The following CLSTN1 variants were observed in gnomAD, a reference collection of about 807,000 sequenced individuals.
The protein encoded by CLSTN1 is calsyntenin-1.
CLSTN1 carries 28 observed loss-of-function variants against 108.3 expected under a neutral mutation model. The ratio of observed to expected loss-of-function variants is 0.26; its 90% CI spans 0.19 to 0.35. The LOEUF is 0.35. Among genes scored for constraint, CLSTN1 ranks in the 10% least tolerant of loss-of-function variants. The pLI, the probability that CLSTN1 is intolerant of heterozygous loss-of-function variation, is 1.00. For missense variants in CLSTN1, 1,157 were observed against 1,302.6 expected (o/e 0.89, Z 1.72); for synonymous variants, 524 against 534.9 (o/e 0.98, Z 0.28).
At position 9,733,429 on chromosome 1, in the gene CLSTN1, C is replaced by A. The variant is rs199987563; in HGVS notation, c.2399G>T (p.Arg800Leu). 6 of 1,614,202 alleles carry A rather than the reference C, an allele frequency of 3.7e-6. No individual in the cohort carries two copies. The East Asian group carries it at 1.3e-4, about 36-fold the overall frequency. ...FKLICSELNG[R>L]YISNEFKVEV... ...CACCTTAAATTCGTTGCTGATGTAG[C>A]GGCCATTCAGCTCTGAGCAGATGAG... The change falls in exon 16 of 19, where the codon CGC (arginine) becomes CTC (leucine). Residue 800 changes from arginine (R) to leucine (L), a missense_variant. By Grantham distance (102) the Arg-to-Leu change is moderately radical. Coordinates refer to ENST00000377298, the MANE Select transcript of CLSTN1 (RefSeq NM_001009566.3).
chr1:9,754,854 T>C (rs909697989), intron 4 of CLSTN1, among the ~76,000 whole-genome samples: 1 of 152,052 alleles, frequency 6.6e-6, no homozygotes, highest in Non-Finnish European at 1.5e-5. Flanking sequence ...AAACTCCATC[T>C]CAAAAAACAA....
intron 3 of CLSTN1, among the ~76,000 whole-genome samples, chr1:9,755,907 G>A (rs567975914): frequency 1.2e-4 from 18 of 152,120 alleles, no homozygotes; most frequent in Admixed American, 1.1e-3. Flanking sequence ...GACTCGTCAG[G>A]CATCCATTTC....
intron 1 of CLSTN1, among the ~76,000 whole-genome samples, chr1:9,786,324 C>T: frequency 6.6e-6 from 1 of 152,132 alleles, no homozygotes; most frequent in East Asian, 1.9e-4. Flanking sequence ...CCACCACATA[C>T]TGTTACACAC....
rs1373344334 is a variant in CLSTN1, at chr1:9,737,534, C to T, written c.1540G>A (p.Asp514Asn). The T allele has an allele frequency of 6.2e-7, 1 of 1,613,990 alleles. No homozygotes were observed. The highest frequency in any genetic ancestry group is 1.3e-5 in the African/African-American group (1 of 74,920). Residue 514 changes from aspartate to asparagine, a missense_variant, in exon 11 of 19, where the codon GAC becomes AAC. Transcript: ENST00000377298. Reference sequence around the variant, plus strand: ...ACAGTCACAGGCTCAGTTTCATTGTCATTTTCAACTCCTGAAAACTCTGTG... The same window carrying T: ...ACAGTCACAGGCTCAGTTTCATTGTTATTTTCAACTCCTGAAAACTCTGTG... Reference protein sequence around the residue: ...CWQEFSGVENDNETEPVTVAS... With the variant: ...CWQEFSGVENNNETEPVTVAS...
chr1:9,749,469 C>T lies in CLSTN1; in HGVS notation c.977G>A (p.Arg326Gln), dbSNP rs1022677397. ...RDTYSEKSLH[R>Q]LCGAAAGTAE... ...ACGCCTGGTCTCCTTACCACAGAGC[C>T]GGTGGAGGGACTTCTCTGAGTAGGT... Residue 326 changes from arginine to glutamine, a missense_variant, in exon 7 of 19, where the codon CGG (arginine) becomes CAG (glutamine). Physicochemically the swap from Arg to Gln is conservative, Grantham distance 43. Coordinates refer to ENST00000377298, the MANE Select transcript of CLSTN1 (RefSeq NM_001009566.3). The T allele has an allele frequency of 2.0e-5, 32 of 1,609,766 alleles. No individual in the cohort carries two copies. Among genetic ancestry groups the T allele is most frequent in the Admixed American group, 5.2e-5 (3 of 58,222 alleles).
chr1:9,747,101 A>AC (rs1380110875), intron 7 of CLSTN1, among the ~76,000 whole-genome samples: 1 of 146,620 alleles, frequency 6.8e-6, no homozygotes, highest in Non-Finnish European at 1.5e-5. Flanking sequence ...AATCGCTTGA[A>AC]CCCAGGAGGC....
chr1:9,755,107 T>C lies in CLSTN1; in HGVS notation c.440+7A>G. ...GGTTATGTTCACTCTTTGTCCAGCT[T>C]ACTTACTTATGAGACTTTTTCACGT... On this transcript the variant is annotated splice_region_variant and intron_variant, in intron 4 of 18. Transcript: ENST00000377298. 6.2e-7 allele frequency: 1 copy of C among 1,606,570 alleles called. No homozygotes were observed. The highest frequency in any genetic ancestry group is 8.5e-7 in the Non-Finnish European group (1 of 1,174,070).
intron 2 of CLSTN1, among the ~76,000 whole-genome samples, chr1:9,770,909 CT>C: frequency 6.6e-6 from 1 of 152,080 alleles, no homozygotes; most frequent in Admixed American, 6.6e-5. Context: ...AGGAAAATTG[CT>C]TGAATCTGGG....
At chr1:9,775,123 A>T (rs1011178318) in intron 1 of CLSTN1, among the ~76,000 whole-genome samples, 26 of 152,120 alleles carry the variant, frequency 1.7e-4, no homozygotes, top group African/African-American at 6.3e-4. Flanking sequence ...CTTTATGGCA[A>T]CCTGTTTTAT....
At position 9,823,835 on chromosome 1, in the gene CLSTN1, G is replaced by C. The variant is rs1167879940; in HGVS notation, c.-102C>G. The C allele has an allele frequency of 2.0e-6, 1 of 495,628 alleles. No homozygotes were observed. Among genetic ancestry groups the C allele is most frequent in the Non-Finnish European group, 2.6e-6 (1 of 378,540 alleles). The allele number at this position is 495,628 out of a possible 1,614,324, so 30.7% of individuals were successfully genotyped here. A position where few individuals can be genotyped will look rare whatever the true frequency, so the allele number is the denominator to read the frequency against. ...GGCCTGGGGCTAGCTGCTCCGCGGC[G>C]CGGGGAGCTCCGGGGGTCCAAGGAG... On this transcript the variant is annotated 5_prime_UTR_variant, in exon 1 of 19. Transcript: ENST00000377298. The surrounding 1 kb of genome is among the most constrained non-coding windows in gnomAD (Gnocchi z 6.3).
chr1:9,816,156 C>A (rs1654960158), intron 1 of CLSTN1, among the ~76,000 whole-genome samples: 2 of 152,236 alleles, frequency 1.3e-5, no homozygotes, highest in Non-Finnish European at 1.5e-5. Context: ...TATATCCCTA[C>A]AAGGATATAT....
At position 9,823,299 on chromosome 1, in the gene CLSTN1, C is replaced by G. The variant is rs1286399687; in HGVS notation, c.91+344G>C. Among the ~76,000 whole-genome samples, 1 of 152,224 alleles carries G rather than the reference C, an allele frequency of 6.6e-6. No individual in the cohort carries two copies. Among genetic ancestry groups the G allele is most frequent in the Non-Finnish European group, 1.5e-5 (1 of 68,024 alleles). On this transcript the variant is annotated intron_variant, in intron 1 of 18. Transcript: ENST00000377298. The surrounding 1 kb of genome is among the most constrained non-coding windows in gnomAD (Gnocchi z 6.3). ...GGACTGACCCTTCGGCCCGTCTGCACGTTCCCCCAAATCAGCGCAGCCACC... is the reference window on the plus strand; with the variant it reads ...GGACTGACCCTTCGGCCCGTCTGCAGGTTCCCCCAAATCAGCGCAGCCACC...
chr1:9,774,006 T>C (rs1392325134), intron 1 of CLSTN1, among the ~76,000 whole-genome samples: 2 of 151,966 alleles, frequency 1.3e-5, no homozygotes, highest in African/African-American at 2.4e-5. Flanking sequence ...CCTCCCAAAG[T>C]GTTGGGATTA....
At chr1:9,768,299 G>A (rs1245364214) in intron 2 of CLSTN1, among the ~76,000 whole-genome samples, 2 of 147,672 alleles carry the variant, frequency 1.4e-5, no homozygotes, top group African/African-American at 5.0e-5. Context: ...ATGGGGGCGG[G>A]GTTCTGTGCT....
intron 11 of CLSTN1, among the ~76,000 whole-genome samples, chr1:9,736,680 C>G (rs1650707902): frequency 6.6e-6 from 1 of 152,146 alleles, no homozygotes; most frequent in South Asian, 2.1e-4. Context: ...AAACCTTGTT[C>G]TTAAACTGAA....
At chr1:9,750,823 G>A (rs983090729) in intron 5 of CLSTN1, among the ~76,000 whole-genome samples, 1 of 152,018 alleles carries the variant, frequency 6.6e-6, no homozygotes, top group Non-Finnish European at 1.5e-5. Context: ...GGCCAAGGTG[G>A]GCGGATCACC....
intron 1 of CLSTN1, among the ~76,000 whole-genome samples, chr1:9,817,076 T>C (rs1655002356): frequency 6.6e-6 from 1 of 152,212 alleles, no homozygotes; most frequent in African/African-American, 2.4e-5. Context: ...GGCTGAAAGA[T>C]GATTCTTCGG....
chr1:9,816,784 T>A (rs1654991289), intron 1 of CLSTN1, among the ~76,000 whole-genome samples: 1 of 152,106 alleles, frequency 6.6e-6, no homozygotes, highest in Non-Finnish European at 1.5e-5. Context: ...GTAGCTGGGA[T>A]TACAGGCATG....
At position 9,774,424 on chromosome 1, in the gene CLSTN1, G is replaced by A. The variant is rs186948131; in HGVS notation, c.92-1030C>T. 7.9e-5 allele frequency among the ~76,000 whole-genome samples: 12 copies of A among 152,120 alleles called. 1 individual carries two copies. Among genetic ancestry groups the A allele is most frequent in the Admixed American group, 7.9e-4 (12 of 15,246 alleles). On this transcript the variant is annotated intron_variant, in intron 1 of 18. Transcript: ENST00000377298. ...TTACTAAAAATACAAAAATGAGCCA[G>A]GTGTGGTGGCACACACCTGTAATCC...
Sources: gnomAD v4.1 joint callset for allele counts (sites outside exome capture counted in the v4.1 genomes callset) on GRCh38, gnomAD v4.1.1 for gene constraint, Gnocchi (gnomAD v3.1) non-coding constraint, MANE v1.5 for transcripts, NCBI Gene and HGNC (gene_info 2026-07-23, HGNC 2026-07-21) for gene names.